WDR20: variants seen among roughly 807,000 people sequenced by gnomAD.
WDR20 encodes the protein WD repeat-containing protein 20.
WDR20 carries 3 observed loss-of-function variants against 38.7 expected under a neutral mutation model. That is an observed-to-expected ratio of 0.08 (90% CI 0.04 to 0.20). The LOEUF is 0.20. Ranked by LOEUF, WDR20 falls within the 10% of genes least tolerant of loss-of-function variation. The pLI is 1.00. For missense variants in WDR20, 559 were observed against 727.7 expected (o/e 0.77, Z 2.67); for synonymous variants, 298 against 285.6 (o/e 1.04, Z -0.44).
intron 1 of WDR20, among the ~76,000 whole-genome samples, chr14:102,144,212 A>G (rs1433712127): frequency 1.3e-5 from 2 of 151,758 alleles, no homozygotes; most frequent in Admixed American, 6.6e-5. Context: ...GCTATGCGCC[A>G]TGGCTCACAC....
chr14:102,214,892 T>G, downstream of WDR20: 2 of 985,040 alleles, frequency 2.0e-6, no homozygotes, highest in Non-Finnish European at 2.4e-6. Context: ...TTTTAGCTGT[T>G]GCCTTGTCAC....
At position 102,209,207 on chromosome 14, in the gene WDR20, A is replaced by G. The variant is rs1188106478; in HGVS notation, c.1037A>G (p.Asn346Ser). 5.0e-6 allele frequency: 8 copies of G among 1,614,130 alleles called. No homozygotes were observed. In the African/African-American group the frequency reaches 6.7e-5, roughly 13 times the overall value. Residue 346 changes from asparagine (N) to serine (S), a missense_variant, in exon 3 of 3, where the codon AAT becomes AGT. Coordinates refer to ENST00000342702, the MANE Select transcript of WDR20 (RefSeq NM_144574.4). The surrounding 1 kb of genome is among the most constrained non-coding windows in gnomAD (Gnocchi z 6.0). ...DLLHFGRDRANSTQSRLSKRN... is the reference protein window; with the variant it reads ...DLLHFGRDRASSTQSRLSKRN... The stretch of plus-strand genomic sequence containing the variant: ...CTTCATTTTGGCAGAGATCGAGCAA[A>G]TAGTACACAGTCCAGGCTCTCCAAA...
chr14:102,219,980 C>T (rs905521472), downstream of WDR20, among the ~76,000 whole-genome samples: 1 of 152,244 alleles, frequency 6.6e-6, no homozygotes, highest in Non-Finnish European at 1.5e-5. Flanking sequence ...GGCATCAAGG[C>T]GTTAGCCAGC....
At chr14:102,201,254 T>C (rs1196319345) in intron 2 of WDR20, among the ~76,000 whole-genome samples, 1 of 152,174 alleles carries the variant, frequency 6.6e-6, no homozygotes, top group African/African-American at 2.4e-5. Flanking sequence ...AAGCAGCTGC[T>C]GTGGTTTTTG....
exon 4 of WDR20, chr14:102,223,173 A>G (rs2064108654): frequency 4.7e-6 from 1 of 211,028 alleles, no homozygotes; most frequent in South Asian, 9.0e-5. Flanking sequence ...TCATATATAT[A>G]TAATATATAC....
intron 1 of WDR20, among the ~76,000 whole-genome samples, chr14:102,153,618 ATAAAT>A (rs2056658650): frequency 6.6e-6 from 1 of 152,052 alleles, no homozygotes; most frequent in Non-Finnish European, 1.5e-5. Flanking sequence ...CTCTTTCTTT[ATAAAT>A]TACCCAGTCT....
At chr14:102,142,545 C>G (rs2051696465) in intron 1 of WDR20, among the ~76,000 whole-genome samples, 1 of 152,074 alleles carries the variant, frequency 6.6e-6, no homozygotes, top group South Asian at 2.1e-4. Context: ...CCTCAAACTC[C>G]TGGGCTCAAA....
In WDR20 at chr14:102,209,179, C is replaced by G; in HGVS notation, c.1009C>G (p.Leu337Val). ...TGGCAGCGATGAGGACTTCCAAGAC[C>G]TTCTTCATTTTGGCAGAGATCGAGC... ...FSGSDEDFQD[L>V]LHFGRDRANS... Residue 337 changes from leucine to valine, a missense_variant, in exon 3 of 3, where the codon CTT becomes GTT. Transcript: ENST00000342702. This position sits in a 1 kb window ranked among gnomAD's most constrained non-coding sequence, Gnocchi z 6.0. 1.2e-6 allele frequency: 2 copies of G among 1,614,104 alleles called. No homozygotes were observed. Among genetic ancestry groups the G allele is most frequent in the African/African-American group, 1.3e-5 (1 of 75,004 alleles).
At chr14:102,139,739 C>A, upstream of WDR20, 2 of 890,452 alleles carry the variant, frequency 2.2e-6, no homozygotes, top group Non-Finnish European at 3.3e-6. Context: ...GGTGAGCACG[C>A]CTGCGCAGTC....
intron 1 of WDR20, among the ~76,000 whole-genome samples, chr14:102,162,286 T>C (rs1040149749): frequency 3.3e-5 from 5 of 152,182 alleles, no homozygotes; most frequent in African/African-American, 9.7e-5. Flanking sequence ...TTGTACTGTT[T>C]CGTGGTTTAA....
chr14:102,179,672 C>G (rs1034046854), intron 1 of WDR20, among the ~76,000 whole-genome samples: 1 of 152,014 alleles, frequency 6.6e-6, no homozygotes, highest in African/African-American at 2.4e-5. Flanking sequence ...TTAACTTTGC[C>G]CTTCCTCACC....
intron 1 of WDR20, among the ~76,000 whole-genome samples, chr14:102,147,710 A>G (rs144604302): frequency 8.9e-4 from 136 of 152,158 alleles, no homozygotes; most frequent in African/African-American, 3.1e-3. Flanking sequence ...TGGCTAAAGA[A>G]CCTTGTTTTA....
rs76508527 is a variant in WDR20 at position 102,200,135 on chromosome 14, G to A, written c.432+5015G>A. Among the ~76,000 whole-genome samples the A allele has an allele frequency of 4.3e-3, 661 of 152,350 alleles. 6 individuals carry two copies. The highest frequency in any genetic ancestry group is 0.015 in the African/African-American group (632 of 41,574). ...ACTGGAGGTCCTTGCTGGTGCATCT[G>A]TTCAAGACCCAAAGAAAGTCGAATG... On this transcript the variant is annotated intron_variant, in intron 2 of 2. Transcript: ENST00000342702.
intron 1 of WDR20, among the ~76,000 whole-genome samples, chr14:102,172,500 C>G (rs1482467258): frequency 2.7e-5 from 4 of 150,630 alleles, no homozygotes; most frequent in Non-Finnish European, 3.0e-5. Context: ...AGAGGCGCCC[C>G]TCACCTCCCG....
At chr14:102,186,629 C>G (rs532238298) in intron 1 of WDR20, among the ~76,000 whole-genome samples, 1 of 152,172 alleles carries the variant, frequency 6.6e-6, no homozygotes, top group South Asian at 2.1e-4. Flanking sequence ...CTAACAGGCA[C>G]TAGCAGCCCC....
chr14:102,140,274 C>T (rs2050406380), intron 1 of WDR20, 102 bp downstream of exon 1: 2 of 1,526,724 alleles, frequency 1.3e-6, no homozygotes, highest in African/African-American at 2.7e-5. Flanking sequence ...GTGGCCGTCG[C>T]TCTTACTTTT....
intron 1 of WDR20, among the ~76,000 whole-genome samples, chr14:102,163,529 G>A (rs2059177787): frequency 6.8e-6 from 1 of 146,806 alleles, no homozygotes; most frequent in South Asian, 2.1e-4. Context: ...CCAGGAGGCT[G>A]AGGCAGGAGA....
intron 1 of WDR20, among the ~76,000 whole-genome samples, chr14:102,150,743 G>A (rs554316923): frequency 6.6e-5 from 10 of 152,236 alleles, no homozygotes; most frequent in East Asian, 1.9e-4. Flanking sequence ...CAGTATGCCA[G>A]ACTTTGGGAA....
intron 1 of WDR20, among the ~76,000 whole-genome samples, chr14:102,158,294 T>C (rs1264718706): frequency 6.6e-6 from 1 of 152,052 alleles, no homozygotes; most frequent in Admixed American, 6.6e-5. Flanking sequence ...CCCACCCTTC[T>C]AGATGACAAT....
Sources: allele counts gnomAD v4.1 joint callset (sites outside exome capture counted in the v4.1 genomes callset), GRCh38; gene constraint gnomAD v4.1.1; non-coding constraint Gnocchi (gnomAD v3.1); transcripts MANE v1.5; gene names NCBI Gene and HGNC (gene_info 2026-07-23, HGNC 2026-07-21).